The following KMT5B variants were observed in gnomAD, a reference collection of about 807,000 sequenced individuals.
KMT5B encodes lysine methyltransferase 5B.
A neutral mutation model predicts 83.2 loss-of-function variants in KMT5B; 10 were observed. The observed-to-expected ratio is 0.12, with a 90% CI of 0.07 to 0.20. The LOEUF (loss-of-function observed/expected upper bound fraction) is 0.20. Among genes scored for constraint, KMT5B ranks in the 10% least tolerant of loss-of-function variants. KMT5B has a pLI of 1.00. For missense variants in KMT5B, 753 were observed against 1,067.2 expected (o/e 0.71, Z 4.10); for synonymous variants, 349 against 388.8 (o/e 0.90, Z 1.20).
intron 3 of KMT5B, among the ~76,000 whole-genome samples, chr11:68,183,813 C>G (rs1857177910): frequency 6.6e-6 from 1 of 150,854 alleles, no homozygotes; most frequent in African/African-American, 2.4e-5. Flanking sequence ...GTGTGCACCA[C>G]CACACCCAGC....
At chr11:68,203,690 T>G (rs1289630757) in intron 1 of KMT5B, among the ~76,000 whole-genome samples, 1 of 152,328 alleles carries the variant, frequency 6.6e-6, no homozygotes, top group East Asian at 1.9e-4. Context: ...CCTTAAAACT[T>G]GCTCCTATAA....
intron 1 of KMT5B, among the ~76,000 whole-genome samples, chr11:68,195,134 G>A (rs1242860982): frequency 6.6e-6 from 1 of 152,144 alleles, no homozygotes; most frequent in Non-Finnish European, 1.5e-5. Flanking sequence ...CCATGACCAT[G>A]CCATTACACT....
intron 1 of KMT5B, among the ~76,000 whole-genome samples, chr11:68,202,130 G>A (rs897515747): frequency 1.1e-4 from 16 of 151,996 alleles, no homozygotes; most frequent in Non-Finnish European, 1.6e-4. Context: ...TATTTAGAAA[G>A]GCAAAGAAAA....
chr11:68,165,979 C>T (rs1304134031), intron 10 of KMT5B: 9 of 1,612,708 alleles, frequency 5.6e-6, no homozygotes, highest in South Asian at 1.1e-5. Flanking sequence ...CAGTGTTGGG[C>T]TGAAAACATC....
chr11:68,180,850 GT>G (rs1856850565), intron 3 of KMT5B, among the ~76,000 whole-genome samples: 1 of 151,892 alleles, frequency 6.6e-6, no homozygotes, highest in African/African-American at 2.4e-5. Context: ...TTTTTTTCTT[GT>G]TAAAAAGAAA....
rs563591649 is a variant in KMT5B at position 68,170,915 on chromosome 11, T to C, written c.977+100A>G. On this transcript the variant is annotated intron_variant, in intron 9 of 10. Coordinates refer to ENST00000304363, the MANE Select transcript of KMT5B (RefSeq NM_017635.5). ...GCTATGCTAAAGAACATAAAGACTATCTCTGCATTTAAACAACAAAGAGAT... is the reference window on the plus strand; with the variant it reads ...GCTATGCTAAAGAACATAAAGACTACCTCTGCATTTAAACAACAAAGAGAT... 4 of 1,283,652 alleles carry C rather than the reference T, an allele frequency of 3.1e-6. No individual in the cohort carries two copies. In the East Asian group the frequency reaches 7.3e-5, roughly 24 times the overall value. 79.5% of individuals were successfully genotyped at this position (1,283,652 alleles called of 1,614,324 possible).
intron 3 of KMT5B, among the ~76,000 whole-genome samples, chr11:68,182,435 G>A (rs958775450): frequency 4.6e-5 from 7 of 152,182 alleles, no homozygotes; most frequent in African/African-American, 1.7e-4. Context: ...AATGGTATAG[G>A]AGGACTTTTA....
chr11:68,167,633 T>C (rs1479642993), intron 9 of KMT5B, among the ~76,000 whole-genome samples: 2 of 152,142 alleles, frequency 1.3e-5, no homozygotes, highest in Non-Finnish European at 2.9e-5. Flanking sequence ...TTTTAAATTT[T>C]TTTTTGTAGA....
chr11:68,181,317 C>G (rs1410893221), intron 3 of KMT5B, among the ~76,000 whole-genome samples: 3 of 152,176 alleles, frequency 2.0e-5, no homozygotes, highest in Admixed American at 2.0e-4. Flanking sequence ...TCGTGATCCA[C>G]CCGCCTCGGC....
At chr11:68,203,192 T>G (rs1859670085) in intron 1 of KMT5B, among the ~76,000 whole-genome samples, 1 of 152,074 alleles carries the variant, frequency 6.6e-6, no homozygotes, top group South Asian at 2.1e-4. Context: ...GTCAGGCTGG[T>G]CTCGAACTCC....
rs780684963 is a variant in KMT5B, at chr11:68,163,548, G to A, written c.1174+3434C>T. On this transcript the variant is annotated intron_variant, in intron 10 of 10. Transcript: ENST00000304363. ...ACAAGACTTCCAGTCAGACAAAAGAGCTGTGACCGACACCAAAGCCTTCCT... is the reference window on the plus strand; with the variant it reads ...ACAAGACTTCCAGTCAGACAAAAGAACTGTGACCGACACCAAAGCCTTCCT... 2.3e-3 allele frequency among the ~76,000 whole-genome samples: 356 copies of A among 152,296 alleles called. 3 individuals are homozygous for A. Among genetic ancestry groups the A allele is most frequent in the Non-Finnish European group, 3.3e-3 (226 of 68,032 alleles).
chr11:68,173,939 A>G lies in KMT5B; in HGVS notation c.544-26T>C, dbSNP rs1393919566. 3.5e-6 allele frequency: 5 copies of G among 1,414,956 alleles called. No individual in the cohort carries two copies. In the South Asian group the frequency reaches 3.5e-5, roughly 10 times the overall value. 87.7% of individuals were successfully genotyped at this position (1,414,956 alleles called of 1,614,324 possible). ...CTAAAACAGGAAAAAAAAATTGATA[A>G]TGACTTTAAATGGTATACCCTGCTA... On this transcript the variant is annotated intron_variant, in intron 5 of 10. Coordinates refer to ENST00000304363, the MANE Select transcript of KMT5B (RefSeq NM_017635.5).
At position 68,158,088 on chromosome 11, in the gene KMT5B, T is replaced by C. The variant is rs916536792; in HGVS notation, c.2258A>G (p.Asn753Ser). Reference protein sequence around the residue: ...ISIKLSKDHDNDNNLYVAKLN... With the variant: ...ISIKLSKDHDSDNNLYVAKLN... ...CTTTGCTACATAGAGATTGTTATCG[T>C]TGTCATGGTCTTTGCTTAACTTGAT... is the stretch of plus-strand genomic sequence containing the variant. The change falls in exon 11 of 11, where the codon AAC (asparagine) becomes AGC (serine). Residue 753 changes from asparagine to serine, a missense_variant. Coordinates refer to ENST00000304363, the MANE Select transcript of KMT5B (RefSeq NM_017635.5). 1 of 1,614,132 alleles carries C rather than the reference T, an allele frequency of 6.2e-7. No homozygotes were observed. Among genetic ancestry groups the C allele is most frequent in the African/African-American group, 1.3e-5 (1 of 74,960 alleles).
At chr11:68,186,171 G>A (rs191936695) in intron 2 of KMT5B, among the ~76,000 whole-genome samples, 4 of 152,316 alleles carry the variant, frequency 2.6e-5, no homozygotes, top group Admixed American at 2.6e-4. Context: ...TGGGGTCTGG[G>A]TAGTCGTGAG....
chr11:68,194,419 C>A (rs1858468431), intron 1 of KMT5B, among the ~76,000 whole-genome samples: 1 of 152,170 alleles, frequency 6.6e-6, no homozygotes, highest in East Asian at 1.9e-4. Flanking sequence ...TCTTGAACTC[C>A]TGGCCACAAG....
At chr11:68,191,173 T>TGTGTG (rs1858004569) in intron 1 of KMT5B, among the ~76,000 whole-genome samples, 1 of 139,172 alleles carries the variant, frequency 7.2e-6, no homozygotes, top group African/African-American at 2.7e-5. Flanking sequence ...TTTTAAAACT[T>TGTGTG]TGTGTGTGTG....
intron 10 of KMT5B, chr11:68,166,250 T>C: frequency 8.4e-7 from 1 of 1,187,980 alleles, no homozygotes; most frequent in Non-Finnish European, 1.0e-6. Context: ...GCAAACAGGA[T>C]GTGCTTTCCT....
At chr11:68,188,701 T>G (rs1380394780) in intron 2 of KMT5B, among the ~76,000 whole-genome samples, 1 of 152,150 alleles carries the variant, frequency 6.6e-6, no homozygotes, top group Non-Finnish European at 1.5e-5. Context: ...TTCAACTAAT[T>G]AAAACTGTTT....
chr11:68,167,785 G>A (rs1425151197), intron 9 of KMT5B, among the ~76,000 whole-genome samples: 1 of 152,154 alleles, frequency 6.6e-6, no homozygotes, highest in Non-Finnish European at 1.5e-5. Context: ...AGATTACTTT[G>A]CCAAAGGGAT....
Sources: allele counts gnomAD v4.1 joint callset (sites outside exome capture counted in the v4.1 genomes callset), GRCh38; gene constraint gnomAD v4.1.1; transcripts MANE v1.5; gene names NCBI Gene and HGNC (gene_info 2026-07-23, HGNC 2026-07-21).